Variants in LSS observed in about 807,000 individuals in gnomAD.
The protein encoded by LSS is 2,3-epoxysqualene-lanosterol cyclase.
In LSS, 90 loss-of-function variants were observed where a neutral mutation model predicts 110.3. The observed-to-expected ratio is 0.82, with a 90% CI of 0.69 to 0.97. The LOEUF is 0.97. LSS is among the 50% of genes least tolerant of loss of function. LSS has a pLI of 0.00. For synonymous variants in LSS, 433 were observed against 400.0 expected, an observed-to-expected ratio of 1.08 and a Z score of -0.98; for missense variants, 927 against 990.0, an observed-to-expected ratio of 0.94 and a Z score of 0.85.
rs533764215 is a variant in LSS at position 46,223,040 on chromosome 21, A to C, written c.320-302T>G. Among the ~76,000 whole-genome samples, 17 of 152,324 alleles carry C rather than the reference A, an allele frequency of 1.1e-4. No individual in the cohort carries two copies. In the East Asian group the frequency reaches 3.3e-3, roughly 29 times the overall value. ...CCAGACACTGCACAGCACCTCAGGA[A>C]GGTCTCCCCCAAGTGCCCTGAAGGT... On this transcript the variant is annotated intron_variant, in intron 3 of 21. Transcript: ENST00000397728.
intron 3 of LSS, chr21:46,225,396 G>C (rs1051533721): frequency 5.7e-5 from 26 of 453,354 alleles, no homozygotes; most frequent in Admixed American, 1.9e-4. Flanking sequence ...CCGTGGTCTA[G>C]CGGTAGCGTC....
In LSS at chr21:46,221,873, C is replaced by T. The variant is rs1329181104; in HGVS notation, c.531G>A (p.Arg177=). ...GPDDPDLVRA[R]NILHKKGGAV... is the part of the protein sequence containing the mutation. Reference sequence around the variant, plus strand: ...CCGTACCTTTCTTGTGAAGAATGTTCCGGGCTCGTACCAGGTCAGGATCGT... The same window carrying T: ...CCGTACCTTTCTTGTGAAGAATGTTTCGGGCTCGTACCAGGTCAGGATCGT... Residue 177 remains arginine (R), a synonymous_variant, in exon 5 of 22, where the codon CGG becomes CGA. Coordinates refer to ENST00000397728, the MANE Select transcript of LSS (RefSeq NM_002340.6). 1 of 1,614,112 alleles carries T rather than the reference C, an allele frequency of 6.2e-7. No homozygotes were observed. Among genetic ancestry groups the T allele is most frequent in the African/African-American group, 1.3e-5 (1 of 75,026 alleles).
In LSS at chr21:46,189,727, C is replaced by A. The variant is rs1053259107; in HGVS notation, c.*1377G>T. 2.2e-6 allele frequency: 1 copy of A among 456,964 alleles called. No homozygotes were observed. The highest frequency in any genetic ancestry group is 2.3e-5 in the Admixed American group (1 of 42,594). 28.3% of individuals were successfully genotyped at this position (456,964 alleles called of 1,614,324 possible). ...CAGGGGGAGAGGCCAGGGACTGCTA[C>A]CTGCCCAGAAGGCGGCAGGGAGGGG... On this transcript the variant is annotated 3_prime_UTR_variant, in exon 22 of 22. Transcript: ENST00000397728.
intron 17 of LSS, among the ~76,000 whole-genome samples, chr21:46,202,166 G>A (rs1212388869): frequency 1.6e-4 from 23 of 140,904 alleles, no homozygotes; most frequent in Middle Eastern, 3.7e-3. Context: ...AGGCCGAGGC[G>A]GGCGGATCAC....
At chr21:46,204,476 A>G (rs2080020549) in intron 17 of LSS, among the ~76,000 whole-genome samples, 1 of 152,098 alleles carries the variant, frequency 6.6e-6, no homozygotes, top group Non-Finnish European at 1.5e-5. Context: ...AGGACACTGA[A>G]CAACTTTGCA....
intron 9 of LSS, 98 bp from the exon 10 acceptor site, chr21:46,213,933 A>G (rs2123738566): frequency 2.4e-6 from 2 of 816,668 alleles, no homozygotes; most frequent in Non-Finnish European, 4.1e-6. Flanking sequence ...CCAGGCATAA[A>G]GTGCCGTGCA....
At chr21:46,192,338 C>T (rs1161300052) in intron 20 of LSS, 2 of 404,692 alleles carry the variant, frequency 4.9e-6, no homozygotes, top group African/African-American at 4.1e-5. Context: ...AAGAAGGATC[C>T]AGGGCTCAGC....
At chr21:46,227,755 C>T in intron 2 of LSS, 65 bp from the exon 3 acceptor site, 1 of 1,574,234 alleles carries the variant, frequency 6.4e-7, no homozygotes, top group Non-Finnish European at 8.7e-7. Context: ...CCAGAGGAAC[C>T]CTCTTCACAT....
In LSS at chr21:46,192,672, T is replaced by A. The variant is rs774341044; in HGVS notation, c.1989-713A>T. The A allele has an allele frequency of 2.9e-5, 13 of 451,646 alleles. No homozygotes were observed. The East Asian group carries it at 7.8e-4, about 27-fold the overall frequency. The allele number at this position is 451,646 out of a possible 1,614,324, so 28.0% of individuals were successfully genotyped here. ...AGGTGCCTGTGCATGTGTACATGTG[T>A]GCATAGACCTGTGTGTGCATCTGTC... On this transcript the variant is annotated intron_variant, in intron 20 of 21. Transcript: ENST00000397728.
intron 10 of LSS, 141 bp from the exon 11 acceptor site, chr21:46,213,193 G>C (rs2080156629): frequency 4.0e-6 from 3 of 744,404 alleles, no homozygotes; most frequent in Non-Finnish European, 7.0e-6. Flanking sequence ...TGCCACCCCA[G>C]CTGGGCTGCT....
intron 20 of LSS, chr21:46,192,234 C>T (rs562765999): frequency 8.4e-5 from 46 of 547,958 alleles, no homozygotes; most frequent in South Asian, 5.6e-4. Flanking sequence ...CTGAAGAGGA[C>T]GCCAAGCCTT....
At chr21:46,225,748 C>G (rs2080331490) in intron 3 of LSS, among the ~76,000 whole-genome samples, 1 of 152,166 alleles carries the variant, frequency 6.6e-6, no homozygotes, top group Non-Finnish European at 1.5e-5. Context: ...GGCTGCCAGG[C>G]AGGGAAGAGC....
In LSS at chr21:46,221,945, C is replaced by T; in HGVS notation, c.459G>A (p.Gly153=). 2.5e-6 allele frequency: 4 copies of T among 1,614,178 alleles called. No homozygotes were observed. Among genetic ancestry groups the T allele is most frequent in the Non-Finnish European group, 3.4e-6 (4 of 1,180,032 alleles). The change falls in exon 5 of 22, where the codon GGG becomes GGA. Residue 153 remains glycine (G), a synonymous_variant. Coordinates refer to ENST00000397728, the MANE Select transcript of LSS (RefSeq NM_002340.6). ...TGAGAGACACATAGTTGAGCGCAGT[C>T]CCAAACACGGTGGACTTATCCTCAA... ...LHIEDKSTVF[G]TALNYVSLRI...
At chr21:46,226,250 C>G (rs2080338667) in intron 3 of LSS, among the ~76,000 whole-genome samples, 1 of 152,218 alleles carries the variant, frequency 6.6e-6, no homozygotes, top group African/African-American at 2.4e-5. Flanking sequence ...GTAATCCCCA[C>G]TGACCAAGCA....
chr21:46,227,363 C>G, intron 3 of LSS, 189 bp downstream of exon 3: 1 of 647,446 alleles, frequency 1.5e-6, no homozygotes, highest in Non-Finnish European at 2.6e-6. Flanking sequence ...TCACCCTACA[C>G]TGGCAAGGCT....
chr21:46,197,797 G>A (rs904058943), intron 17 of LSS, among the ~76,000 whole-genome samples: 17 of 151,944 alleles, frequency 1.1e-4, no homozygotes, highest in African/African-American at 4.1e-4. Flanking sequence ...GCTGAGGCAG[G>A]AGAATGGCGT....
At chr21:46,214,364 G>A (rs993178367) in intron 9 of LSS, among the ~76,000 whole-genome samples, 2 of 152,178 alleles carry the variant, frequency 1.3e-5, no homozygotes, top group Non-Finnish European at 2.9e-5. Flanking sequence ...TGCTCTATAT[G>A]GGATTAAACC....
intron 6 of LSS, among the ~76,000 whole-genome samples, chr21:46,217,866 G>A (rs2080226868): frequency 6.6e-6 from 1 of 152,160 alleles, no homozygotes; most frequent in Non-Finnish European, 1.5e-5. Context: ...AATGGCCCCA[G>A]GACACCTCCC....
intron 20 of LSS, chr21:46,193,867 CTG>C (rs2079868228): frequency 2.4e-6 from 1 of 425,268 alleles, no homozygotes; most frequent in Non-Finnish European, 4.7e-6. Context: ...GTGCACAGAC[CTG>C]TGTGTGCATC....
Sources: gnomAD v4.1 joint callset for allele counts (sites outside exome capture counted in the v4.1 genomes callset) on GRCh38, gnomAD v4.1.1 for gene constraint, MANE v1.5 for transcripts, NCBI Gene and HGNC (gene_info 2026-07-23, HGNC 2026-07-21) for gene names.